Variants in NNT observed in about 807,000 individuals in gnomAD.
NNT encodes the protein NAD(P) transhydrogenase, mitochondrial.
In NNT, 50 loss-of-function variants were observed where a neutral mutation model predicts 104.8. The observed-to-expected ratio is 0.48, with a 90% CI of 0.38 to 0.60. NNT has a LOEUF of 0.60. Among genes scored for constraint, NNT ranks in the 20% least tolerant of loss-of-function variants. The pLI is 0.00. For synonymous variants in NNT, 461 were observed against 490.4 expected, an observed-to-expected ratio of 0.94 and a Z score of 0.79; for missense variants, 1,131 against 1,330.7, an observed-to-expected ratio of 0.85 and a Z score of 2.33.
chr5:43,612,959 A>G lies in NNT; in HGVS notation c.203A>G (p.Asn68Ser). The G allele has an allele frequency of 1.2e-6, 2 of 1,614,140 alleles. No homozygotes were observed. The highest frequency in any genetic ancestry group is 1.7e-6 in the Non-Finnish European group (2 of 1,180,026). Residue 68 changes from asparagine (N) to serine (S), a missense_variant, in exon 3 of 22, where the codon AAT (asparagine) becomes AGT (serine). By Grantham distance (46) the Asn-to-Ser change is conservative (BLOSUM62 1). Transcript: ENST00000344920. ...GGAGTCCCCAAAGAGATATTCCAAA[A>G]TGAGAAGCGAGTGGCATTGTCTCCT... Reference protein sequence around the residue: ...TVGVPKEIFQNEKRVALSPAG... With the variant: ...TVGVPKEIFQSEKRVALSPAG...
chr5:43,641,487 CCACT>C (rs1439253397), intron 7 of NNT, among the ~76,000 whole-genome samples: 1 of 151,912 alleles, frequency 6.6e-6, no homozygotes, highest in Non-Finnish European at 1.5e-5. Flanking sequence ...AATAGTCTCA[CCACT>C]CAAATATACC....
At chr5:43,604,199 G>A (rs927658759) in intron 1 of NNT, among the ~76,000 whole-genome samples, 1 of 152,188 alleles carries the variant, frequency 6.6e-6, no homozygotes, top group Non-Finnish European at 1.5e-5. Context: ...GGTTGCCGGT[G>A]TCCTTTATTC....
At chr5:43,623,761 C>T (rs1015882618) in intron 5 of NNT, among the ~76,000 whole-genome samples, 8 of 152,116 alleles carry the variant, frequency 5.3e-5, no homozygotes, top group African/African-American at 1.2e-4. Context: ...TAGTTTTACA[C>T]GGATATTCTG....
intron 1 of NNT, among the ~76,000 whole-genome samples, chr5:43,607,810 G>A (rs1206311100): frequency 2.0e-5 from 3 of 152,148 alleles, no homozygotes; most frequent in Non-Finnish European, 4.4e-5. Flanking sequence ...GAACATTTAC[G>A]GAGCCTGCTA....
Position 43,615,835 on chromosome 5 carries a change from A to AT in NNT, c.382-7dup, listed in dbSNP as rs562530333. On this transcript the variant is annotated splice_polypyrimidine_tract_variant and intron_variant, in intron 3 of 21. Transcript: ENST00000344920. Reference sequence around the variant, plus strand: ...ATTTATATTTATAATCTGTGACTTGATTTTTTCCCCAGGTGCGAGCCCCTA... The same window carrying AT: ...ATTTATATTTATAATCTGTGACTTGATTTTTTTCCCCAGGTGCGAGCCCCTA... 43 of 1,577,638 alleles carry AT rather than the reference A, an allele frequency of 2.7e-5. 1 individual carries two copies. Among genetic ancestry groups the AT allele is most frequent in the South Asian group, 2.0e-4 (17 of 84,778 alleles).
intron 19 of NNT, among the ~76,000 whole-genome samples, chr5:43,693,335 G>T (rs1189537978): frequency 6.6e-6 from 1 of 152,120 alleles, no homozygotes; most frequent in Admixed American, 6.5e-5. Context: ...CATATGAAAA[G>T]ATATTTATGT....
At chr5:43,677,632 C>A in intron 18 of NNT, 93 bp from the exon 19 acceptor site, 3 of 1,097,304 alleles carry the variant, frequency 2.7e-6, no homozygotes, top group Admixed American at 1.8e-5. Context: ...CCTCTGTTGG[C>A]ATAAACATGT....
At chr5:43,661,745 A>AT (rs1303207170) in intron 17 of NNT, among the ~76,000 whole-genome samples, 2 of 151,880 alleles carry the variant, frequency 1.3e-5, no homozygotes, top group African/African-American at 4.8e-5. Context: ...TGAACTCATC[A>AT]TTTTTTATGG....
At chr5:43,692,410 G>A (rs891622656) in intron 19 of NNT, among the ~76,000 whole-genome samples, 4 of 152,052 alleles carry the variant, frequency 2.6e-5, no homozygotes, top group Admixed American at 6.5e-5. Context: ...TGCCACCTCC[G>A]CCTCCCGGGT....
intron 16 of NNT, 108 bp from the exon 17 acceptor site, chr5:43,659,063 T>C: frequency 5.3e-6 from 6 of 1,131,936 alleles, no homozygotes; most frequent in Non-Finnish European, 7.4e-6. Flanking sequence ...AACTTATATG[T>C]AAATATATTA....
At chr5:43,646,085 G>A (rs867186510) in intron 10 of NNT, among the ~76,000 whole-genome samples, 1 of 151,898 alleles carries the variant, frequency 6.6e-6, no homozygotes, top group East Asian at 1.9e-4. Flanking sequence ...ATTAGTAATC[G>A]GGCCTGACAG....
intron 19 of NNT, 60 bp from the exon 20 acceptor site, chr5:43,700,059 G>A (rs1162133249): frequency 1.6e-6 from 2 of 1,278,034 alleles, no homozygotes; most frequent in African/African-American, 1.5e-5. Context: ...GGTGATATTG[G>A]GGTCTCTGTA....
chr5:43,620,167 C>A (rs1332625896), intron 5 of NNT, among the ~76,000 whole-genome samples: 1 of 152,192 alleles, frequency 6.6e-6, no homozygotes, highest in African/African-American at 2.4e-5. Flanking sequence ...TACAGGAAAC[C>A]TGACTTTAAA....
At chr5:43,669,531 G>A (rs2112048358) in intron 17 of NNT, among the ~76,000 whole-genome samples, 1 of 152,188 alleles carries the variant, frequency 6.6e-6, no homozygotes, top group Non-Finnish European at 1.5e-5. Flanking sequence ...TGCATCTATT[G>A]AGATAATCAT....
chr5:43,635,645 A>C (rs893961037), intron 7 of NNT, among the ~76,000 whole-genome samples: 1 of 152,172 alleles, frequency 6.6e-6, no homozygotes, highest in African/African-American at 2.4e-5. Context: ...CTGTGGGGTT[A>C]GTTTCCTCTG....
chr5:43,617,030 C>G (rs1749828089), intron 4 of NNT, among the ~76,000 whole-genome samples: 1 of 152,066 alleles, frequency 6.6e-6, no homozygotes, highest in South Asian at 2.1e-4. Flanking sequence ...AGAAAGTTTT[C>G]TTAGGTTTTA....
At chr5:43,614,352 G>A (rs1749662780) in intron 3 of NNT, among the ~76,000 whole-genome samples, 1 of 152,178 alleles carries the variant, frequency 6.6e-6, no homozygotes, top group African/African-American at 2.4e-5. Context: ...TTTGAGCCAA[G>A]TCTGTTAATA....
chr5:43,661,373 T>C (rs1394995397), intron 17 of NNT, among the ~76,000 whole-genome samples: 1 of 151,826 alleles, frequency 6.6e-6, no homozygotes, highest in Non-Finnish European at 1.5e-5. Context: ...AAACTTGCGG[T>C]TTGTCAGAAA....
At chr5:43,666,530 G>A (rs919215129) in intron 17 of NNT, among the ~76,000 whole-genome samples, 3 of 151,446 alleles carry the variant, frequency 2.0e-5, no homozygotes, top group Non-Finnish European at 4.4e-5. Context: ...GCAGTGAGCC[G>A]AGATGGCGAC....
Sources: gnomAD v4.1 joint callset for allele counts (sites outside exome capture counted in the v4.1 genomes callset) on GRCh38, gnomAD v4.1.1 for gene constraint, MANE v1.5 for transcripts, NCBI Gene and HGNC (gene_info 2026-07-23, HGNC 2026-07-21) for gene names.